Variants in MSI2 observed in about 807,000 individuals in gnomAD.
MSI2 encodes musashi RNA binding protein 2, also known as RNA-binding protein Musashi homolog 2.
MSI2 carries 17 observed loss-of-function variants against 45.6 expected under a neutral mutation model. The ratio of observed to expected loss-of-function variants is 0.37; its 90% CI spans 0.26 to 0.56. MSI2 has a LOEUF of 0.56. Among genes scored for constraint, MSI2 ranks in the 20% least tolerant of loss-of-function variants. The pLI is 0.77. For synonymous variants in MSI2, 156 were observed against 158.2 expected (o/e 0.99, Z 0.11); for missense variants, 293 against 444.2 (o/e 0.66, Z 3.06).
chr17:57,460,610 G>A (rs1386541195), intron 6 of MSI2, among the ~76,000 whole-genome samples: 3 of 152,244 alleles, frequency 2.0e-5, no homozygotes, highest in South Asian at 2.1e-4. Flanking sequence ...GAGGCACCCC[G>A]CCTGTGTGTT....
At chr17:57,364,198 A>C (rs569263369) in intron 5 of MSI2, among the ~76,000 whole-genome samples, 9 of 152,342 alleles carry the variant, frequency 5.9e-5, no homozygotes, top group African/African-American at 2.2e-4. Context: ...GCAAGACCTC[A>C]TGTAGGTGGT....
At chr17:57,689,729 G>A in the MSI2 span, among the ~76,000 whole-genome samples, 1 of 152,144 alleles carries the variant, frequency 6.6e-6, no homozygotes, top group Non-Finnish European at 1.5e-5. Context: ...CCTACTGTTA[G>A]TCACTATAGC....
chr17:57,672,291 C>T (rs1488209869), intron 11 of MSI2, among the ~76,000 whole-genome samples: 1 of 152,174 alleles, frequency 6.6e-6, no homozygotes, highest in Non-Finnish European at 1.5e-5. Context: ...TAATATAGAC[C>T]TAAGATGAGC....
intron 5 of MSI2, among the ~76,000 whole-genome samples, chr17:57,305,393 C>T (rs1035909965): frequency 3.3e-5 from 5 of 152,092 alleles, no homozygotes; most frequent in East Asian, 1.9e-4. Context: ...CACACTCACC[C>T]GGAGCCAGTT....
chr17:57,669,419 C>T (rs1912610177), intron 11 of MSI2, among the ~76,000 whole-genome samples: 4 of 152,188 alleles, frequency 2.6e-5, no homozygotes, highest in African/African-American at 9.7e-5. Context: ...GGAGAATATG[C>T]CCTCTGACTA....
intron 6 of MSI2, among the ~76,000 whole-genome samples, chr17:57,483,169 G>C (rs277072): frequency 0.78 from 118,802 of 152,126 alleles, 46,904 homozygotes; most frequent in East Asian, 0.89. Context: ...CTCTTGCATT[G>C]GTTGGAGTCT....
intron 6 of MSI2, among the ~76,000 whole-genome samples, chr17:57,513,591 A>G (rs1363287645): frequency 6.6e-6 from 1 of 152,218 alleles, no homozygotes; most frequent in African/African-American, 2.4e-5. Context: ...GGATTCTGCA[A>G]AAGACAGGAC....
chr17:57,521,305 C>T (rs2086579255), intron 6 of MSI2, among the ~76,000 whole-genome samples: 1 of 152,152 alleles, frequency 6.6e-6, no homozygotes, highest in African/African-American at 2.4e-5. Flanking sequence ...GGCTCTAGGA[C>T]AAACCAGTAG....
At chr17:57,689,193 G>C (rs192822135), downstream of MSI2, among the ~76,000 whole-genome samples, 692 of 150,362 alleles carry the variant, frequency 4.6e-3, 7 homozygotes, top group African/African-American at 0.017. Context: ...TTTTTTAATT[G>C]TACTTTAAGT....
intron 13 of MSI2, among the ~76,000 whole-genome samples, chr17:57,679,083 A>T (rs1046117000): frequency 4.6e-5 from 7 of 152,178 alleles, no homozygotes; most frequent in Non-Finnish European, 7.3e-5. Flanking sequence ...GTAAGTTTGC[A>T]TTTAAAAGTT....
intron 6 of MSI2, among the ~76,000 whole-genome samples, chr17:57,456,844 G>A (rs1053098262): frequency 2.6e-5 from 4 of 152,142 alleles, no homozygotes; most frequent in African/African-American, 9.7e-5. Context: ...AACCATTTAA[G>A]TATCCTTGGC....
chr17:57,671,335 A>G (rs1912756059), intron 11 of MSI2: 1 of 152,198 alleles, frequency 6.6e-6, no homozygotes, highest in Non-Finnish European at 1.5e-5. Flanking sequence ...CTGTTTATTT[A>G]TTCAACAAAG....
intron 8 of MSI2, among the ~76,000 whole-genome samples, chr17:57,610,210 C>G (rs1286342195): frequency 2.0e-5 from 3 of 152,044 alleles, no homozygotes; most frequent in Non-Finnish European, 4.4e-5. Context: ...CCCAGCACTT[C>G]GGGAGGCTGA....
At chr17:57,548,677 G>A (rs1024040830) in intron 7 of MSI2, among the ~76,000 whole-genome samples, 3 of 152,016 alleles carry the variant, frequency 2.0e-5, no homozygotes, top group African/African-American at 7.2e-5. Context: ...TTTGGTGTGG[G>A]GGGCTGGGAG....
rs182329623 is a variant in MSI2 at position 57,559,011 on chromosome 17, G to A, written c.454+29287G>A. 2.4e-3 allele frequency among the ~76,000 whole-genome samples: 370 copies of A among 152,192 alleles called. 5 individuals carry two copies. Among genetic ancestry groups the A allele is most frequent in the Middle Eastern group, 6.8e-3 (2 of 294 alleles). ...CAGGAGGCGGAGGTTGCAGTGAGCCGAGATGGCACCACTGCACTCCAGCCT... is the reference window on the plus strand; with the variant it reads ...CAGGAGGCGGAGGTTGCAGTGAGCCAAGATGGCACCACTGCACTCCAGCCT... On this transcript the variant is annotated intron_variant, in intron 7 of 13. Coordinates refer to ENST00000284073, the MANE Select transcript of MSI2 (RefSeq NM_138962.4).
At chr17:57,348,154 TC>T in intron 5 of MSI2, among the ~76,000 whole-genome samples, 1 of 152,236 alleles carries the variant, frequency 6.6e-6, no homozygotes, top group Admixed American at 6.5e-5. Context: ...TTTGGCACCT[TC>T]CTAGTGGTAC....
At chr17:57,383,495 A>G (rs1179539953) in intron 5 of MSI2, among the ~76,000 whole-genome samples, 2 of 152,146 alleles carry the variant, frequency 1.3e-5, no homozygotes, top group Admixed American at 1.3e-4. Flanking sequence ...TGTCTCTACT[A>G]AAAATACAAA....
intron 6 of MSI2, among the ~76,000 whole-genome samples, chr17:57,517,298 T>C (rs2086488635): frequency 6.6e-6 from 1 of 152,176 alleles, no homozygotes; most frequent in Admixed American, 6.5e-5. Flanking sequence ...TCCTTGGATG[T>C]CATCAAAGCC....
At chr17:57,392,063 G>A (rs1321852492) in intron 5 of MSI2, among the ~76,000 whole-genome samples, 1 of 152,226 alleles carries the variant, frequency 6.6e-6, no homozygotes, top group Non-Finnish European at 1.5e-5. Context: ...CAGCCTGGGT[G>A]CCTGTGATCG....
Sources: allele counts gnomAD v4.1 joint callset (sites outside exome capture counted in the v4.1 genomes callset), GRCh38; gene constraint gnomAD v4.1.1; transcripts MANE v1.5; gene names NCBI Gene and HGNC (gene_info 2026-07-23, HGNC 2026-07-21).